The following ADGRV1 variants were observed in gnomAD, a reference collection of about 807,000 sequenced individuals.
ADGRV1 encodes the protein G-protein coupled receptor 98.
Under a neutral mutation model 596.2 loss-of-function variants are expected in ADGRV1, and 359 were observed. The observed-to-expected ratio is 0.60, with a 90% confidence interval of 0.55 to 0.66. ADGRV1 has a LOEUF of 0.66. Ranked by LOEUF, ADGRV1 falls within the 30% of genes least tolerant of loss-of-function variation. The probability of loss-of-function intolerance (pLI) is 0.00; values close to 1 mark genes in which losing one functional copy is unlikely to be tolerated. For synonymous variants in ADGRV1, 2,681 were observed against 2,679.2 expected, an observed-to-expected ratio of 1.00 and a Z score of -0.02; for missense variants, 7,274 against 7,575.6, an observed-to-expected ratio of 0.96 and a Z score of 1.48.
intron 85 of ADGRV1, among the ~76,000 whole-genome samples, chr5:90,997,004 T>G (rs1781472130): frequency 6.6e-6 from 1 of 152,216 alleles, no homozygotes; most frequent in South Asian, 2.1e-4. Context: ...CTAACTTGTT[T>G]TTTATTTTGC....
At chr5:90,615,895 C>G (rs1416634031) in intron 2 of ADGRV1, among the ~76,000 whole-genome samples, 1 of 151,644 alleles carries the variant, frequency 6.6e-6, no homozygotes, top group African/African-American at 2.4e-5. Context: ...TAATTACTTC[C>G]TGATCATTCT....
At chr5:90,931,838 G>A (rs531472246) in intron 83 of ADGRV1, among the ~76,000 whole-genome samples, 1 of 152,224 alleles carries the variant, frequency 6.6e-6, no homozygotes, top group East Asian at 1.9e-4. Context: ...TTGGCTTAGA[G>A]AAAAATTGAT....
In ADGRV1 at chr5:90,647,752, T is replaced by C; in HGVS notation, c.3277T>C (p.Leu1093=). 1 of 1,612,432 alleles carries C rather than the reference T, an allele frequency of 6.2e-7. No individual in the cohort carries two copies. Among genetic ancestry groups the C allele is most frequent in the Non-Finnish European group, 8.5e-7 (1 of 1,178,950 alleles). Residue 1093 remains leucine (L), a synonymous_variant, in exon 17 of 90, where the codon TTG becomes CTG. Transcript: ENST00000405460. The stretch of plus-strand genomic sequence containing the variant: ...AGATGAGCCCTTTTATATAATCCTC[T>C]TGAATTCAACAGGTAAGTAAATTAT... The part of the protein sequence containing the change: ...ETDEPFYIIL[L]NSTGDTVVYQ...
intron 61 of ADGRV1, 60 bp downstream of exon 61, chr5:90,776,636 T>G: frequency 2.6e-6 from 4 of 1,536,132 alleles, no homozygotes; most frequent in Non-Finnish European, 3.6e-6. Flanking sequence ...ATTTAAATCA[T>G]TAGTCTTAAG....
intron 77 of ADGRV1, among the ~76,000 whole-genome samples, chr5:90,830,200 C>T (rs1181357658): frequency 6.6e-6 from 1 of 152,004 alleles, no homozygotes; most frequent in Non-Finnish European, 1.5e-5. Context: ...GTTTGCCAGG[C>T]AGTAAAACTT....
chr5:90,601,299 A>G (rs1761380912), intron 1 of ADGRV1, among the ~76,000 whole-genome samples: 1 of 152,008 alleles, frequency 6.6e-6, no homozygotes, highest in South Asian at 2.1e-4. Context: ...TTAAATAGGA[A>G]CTCATATCTG....
At chr5:90,794,346 G>A (rs1581144427) in intron 70 of ADGRV1, among the ~76,000 whole-genome samples, 1 of 152,282 alleles carries the variant, frequency 6.6e-6, no homozygotes, top group Non-Finnish European at 1.5e-5. Context: ...TTAACAGCTG[G>A]CTTTTTTTTA....
At chr5:90,912,829 C>T (rs906968179) in intron 83 of ADGRV1, among the ~76,000 whole-genome samples, 2 of 152,150 alleles carry the variant, frequency 1.3e-5, no homozygotes, top group African/African-American at 2.4e-5. Context: ...TTGACAGGCA[C>T]GTAGGTTGAT....
intron 85 of ADGRV1, among the ~76,000 whole-genome samples, chr5:91,034,267 A>G (rs1015765947): frequency 2.6e-5 from 4 of 152,290 alleles, no homozygotes; most frequent in African/African-American, 9.6e-5. Context: ...CATTACATTT[A>G]ATTTTAATAA....
At chr5:90,765,340 A>G (rs114887655) in intron 59 of ADGRV1, among the ~76,000 whole-genome samples, 394 of 151,878 alleles carry the variant, frequency 2.6e-3, no homozygotes, top group African/African-American at 8.7e-3. Flanking sequence ...TCTTTTGCAT[A>G]GTATTACTTG....
chr5:91,127,153 A>G (rs895743425), intron 87 of ADGRV1, among the ~76,000 whole-genome samples: 4 of 152,304 alleles, frequency 2.6e-5, no homozygotes, highest in African/African-American at 9.6e-5. Context: ...CATTACCAGT[A>G]TGGGAGTCCA....
Position 90,724,843 on chromosome 5 carries a change from G to A in ADGRV1, c.9760G>A (p.Val3254Ile), listed in dbSNP as rs1561602551. 9 of 1,613,180 alleles carry A rather than the reference G, an allele frequency of 5.6e-6. No individual in the cohort carries two copies. The highest frequency in any genetic ancestry group is 7.6e-6 in the Non-Finnish European group (9 of 1,179,450). Residue 3254 changes from valine (V) to isoleucine (I), a missense_variant, in exon 46 of 90, where the codon GTT (valine) becomes ATT (isoleucine). By Grantham distance (29) the Val-to-Ile change is conservative (BLOSUM62 3). Transcript: ENST00000405460. ...ETAFGMRGMDVVFSVFQSFLD... is the reference protein window; with the variant it reads ...ETAFGMRGMDIVFSVFQSFLD... ...TTTGTGTTTTTCAGGGGGAATGGAT[G>A]TTGTGTTTTCCGTATTTCAAAGTTT...
At chr5:91,159,531 G>A (rs914736757) in intron 89 of ADGRV1, among the ~76,000 whole-genome samples, 2 of 152,056 alleles carry the variant, frequency 1.3e-5, no homozygotes, top group African/African-American at 4.8e-5. Context: ...CACTATTGAC[G>A]TTTTAAGTTT....
At chr5:91,014,136 C>CCCCCCACACACACACACACACACACA (rs757029909) in intron 85 of ADGRV1, among the ~76,000 whole-genome samples, 1 of 35,638 alleles carries the variant, frequency 2.8e-5, no homozygotes, top group East Asian at 6.8e-4. Context: ...TTCACAATTG[C>CCCCCCACACACACACACACACACACA]CACACACACA....
intron 85 of ADGRV1, among the ~76,000 whole-genome samples, chr5:91,022,167 A>T (rs1562101457): frequency 6.6e-6 from 1 of 152,150 alleles, no homozygotes; most frequent in Non-Finnish European, 1.5e-5. Context: ...TAGTTAAAAT[A>T]GCATAATCAT....
chr5:90,712,275 C>G lies in ADGRV1; in HGVS notation c.9043-12C>G. ...TAAATATAATACATTCTGCTTTTAC[C>G]TTTTTGACCAGATTCTTCATTTTGC... On this transcript the variant is annotated splice_polypyrimidine_tract_variant and intron_variant, in intron 41 of 89. Transcript: ENST00000405460. The G allele has an allele frequency of 6.7e-7, 1 of 1,495,668 alleles. No homozygotes were observed. Among genetic ancestry groups the G allele is most frequent in the Non-Finnish European group, 9.0e-7 (1 of 1,108,844 alleles). 92.6% of individuals were successfully genotyped at this position (1,495,668 alleles called of 1,614,324 possible). A position where few individuals can be genotyped will look rare whatever the true frequency, so the allele number is the denominator to read the frequency against.
At chr5:90,590,560 A>G (rs1759358061) in intron 1 of ADGRV1, among the ~76,000 whole-genome samples, 1 of 152,156 alleles carries the variant, frequency 6.6e-6, no homozygotes, top group East Asian at 1.9e-4. Context: ...CTGGGCAGAA[A>G]CTTCAAAACA....
At chr5:90,572,552 A>C (rs1299683640) in intron 1 of ADGRV1, among the ~76,000 whole-genome samples, 1 of 152,214 alleles carries the variant, frequency 6.6e-6, no homozygotes, top group Non-Finnish European at 1.5e-5. Flanking sequence ...CTTATCTTTG[A>C]CAAGGCCAAC....
chr5:91,050,173 G>T (rs964492754), intron 85 of ADGRV1, among the ~76,000 whole-genome samples: 1 of 152,148 alleles, frequency 6.6e-6, no homozygotes, highest in Admixed American at 6.6e-5. Context: ...TCCTTGGGTG[G>T]TATCTTGACA....
Sources: allele counts gnomAD v4.1 joint callset (sites outside exome capture counted in the v4.1 genomes callset), GRCh38; gene constraint gnomAD v4.1.1; transcripts MANE v1.5; gene names NCBI Gene and HGNC (gene_info 2026-07-23, HGNC 2026-07-21).